The following KCNQ5 variants were observed in gnomAD, a reference collection of about 807,000 sequenced individuals.
KCNQ5 encodes potassium voltage-gated channel subfamily KQT member 5.
In KCNQ5, 30 loss-of-function variants were observed where a neutral mutation model predicts 98.2. That is an observed-to-expected ratio of 0.31 (90% CI 0.23 to 0.41). The LOEUF is 0.41. Among genes scored for constraint, KCNQ5 ranks in the 10% least tolerant of loss-of-function variants. The probability of loss-of-function intolerance (pLI) is 1.00; values close to 1 mark genes in which losing one functional copy is unlikely to be tolerated. For synonymous variants in KCNQ5, 458 were observed against 449.4 expected (o/e 1.02, Z -0.24); for missense variants, 835 against 1,182.5 (o/e 0.71, Z 4.31).
At chr6:72,631,568 A>G (rs184879382) in intron 1 of KCNQ5, among the ~76,000 whole-genome samples, 119 of 152,342 alleles carry the variant, frequency 7.8e-4, no homozygotes, top group South Asian at 2.3e-3. Flanking sequence ...TCCATCAGAA[A>G]TTACCATTGG....
At chr6:72,836,583 T>G (rs1776512615) in intron 1 of KCNQ5, among the ~76,000 whole-genome samples, 1 of 152,038 alleles carries the variant, frequency 6.6e-6, no homozygotes, top group Non-Finnish European at 1.5e-5. Context: ...GGACTACACA[T>G]GTGCGCCACC....
chr6:72,850,182 A>T (rs980456942), intron 1 of KCNQ5, among the ~76,000 whole-genome samples: 2 of 152,164 alleles, frequency 1.3e-5, no homozygotes, highest in African/African-American at 4.8e-5. Context: ...CAGGTAATAG[A>T]TATAAGGCTG....
chr6:73,165,955 G>T (rs1777779389), intron 10 of KCNQ5, among the ~76,000 whole-genome samples: 2 of 151,360 alleles, frequency 1.3e-5, no homozygotes, highest in Admixed American at 6.6e-5. Context: ...AAAAAAAAGA[G>T]AGAGAAATAC....
At chr6:73,042,287 G>A (rs4708015) in intron 3 of KCNQ5, 426,651 of 551,410 alleles carry the variant, frequency 0.77, 175,167 homozygotes, top group Non-Finnish European at 0.88. Flanking sequence ...AGAATTTGAG[G>A]CAAAGAGAGA....
chr6:72,955,955 T>C (rs763101914), intron 1 of KCNQ5, among the ~76,000 whole-genome samples: 1 of 151,654 alleles, frequency 6.6e-6, no homozygotes, highest in Non-Finnish European at 1.5e-5. Context: ...ACAAACCCAG[T>C]AATTCTCAAA....
intron 1 of KCNQ5, among the ~76,000 whole-genome samples, chr6:72,776,555 A>T (rs142374889): frequency 4.9e-4 from 75 of 152,342 alleles, no homozygotes; most frequent in East Asian, 2.7e-3. Flanking sequence ...ATATAATACA[A>T]GCATCATAGA....
chr6:72,638,302 C>T (rs6899573), intron 1 of KCNQ5, among the ~76,000 whole-genome samples: 57,296 of 151,832 alleles, frequency 0.38, 12,471 homozygotes, highest in Middle Eastern at 0.51. Context: ...TTACATGGTT[C>T]CAGATCTTTT....
At chr6:73,141,348 C>T (rs1180329716) in intron 10 of KCNQ5, among the ~76,000 whole-genome samples, 1 of 152,180 alleles carries the variant, frequency 6.6e-6, no homozygotes, top group Non-Finnish European at 1.5e-5. Flanking sequence ...TCTGGGGGGA[C>T]ACAAACATTC....
At chr6:72,788,897 C>A (rs1305945028) in intron 1 of KCNQ5, among the ~76,000 whole-genome samples, 1 of 152,028 alleles carries the variant, frequency 6.6e-6, no homozygotes, top group Admixed American at 6.5e-5. Context: ...AAACCTTGTC[C>A]TTTCTTATTT....
At chr6:73,047,966 T>A (rs924855720) in intron 3 of KCNQ5, among the ~76,000 whole-genome samples, 3 of 152,202 alleles carry the variant, frequency 2.0e-5, no homozygotes, top group African/African-American at 7.2e-5. Flanking sequence ...GTTTTCAAAT[T>A]ATGTTTGAGT....
intron 1 of KCNQ5, among the ~76,000 whole-genome samples, chr6:72,796,938 T>C (rs956102539): frequency 6.6e-6 from 1 of 152,080 alleles, no homozygotes. Context: ...GGCAGATGAG[T>C]CCCTAGCTTA....
intron 1 of KCNQ5, chr6:72,677,072 A>G (rs1767451686): frequency 6.6e-6 from 1 of 152,106 alleles, no homozygotes; most frequent in Non-Finnish European, 1.5e-5. Context: ...TTATAGTCTC[A>G]GTTTACCTTG....
At chr6:72,995,879 A>G (rs1181594421) in intron 1 of KCNQ5, among the ~76,000 whole-genome samples, 1 of 152,250 alleles carries the variant, frequency 6.6e-6, no homozygotes, top group East Asian at 1.9e-4. Context: ...GCAACTTTAG[A>G]TTGAATACTC....
intron 2 of KCNQ5, among the ~76,000 whole-genome samples, chr6:73,040,410 GC>G (rs746955534): frequency 1.1e-4 from 17 of 152,138 alleles, no homozygotes; most frequent in Non-Finnish European, 1.9e-4. Context: ...GGCATTTTGG[GC>G]CTGAGTATGT....
chr6:72,940,351 C>CT (rs1766164210), intron 1 of KCNQ5, among the ~76,000 whole-genome samples: 3 of 152,296 alleles, frequency 2.0e-5, no homozygotes, highest in South Asian at 2.1e-4. Context: ...CAGCAGGAAA[C>CT]TTTTTTGCCT....
At chr6:72,912,314 C>T (rs1375351644) in intron 1 of KCNQ5, among the ~76,000 whole-genome samples, 1 of 152,152 alleles carries the variant, frequency 6.6e-6, no homozygotes, top group African/African-American at 2.4e-5. Context: ...TCGTAGTAAG[C>T]ATCGATGGAT....
intron 11 of KCNQ5, among the ~76,000 whole-genome samples, chr6:73,178,591 C>T (rs1778299420): frequency 6.6e-6 from 1 of 151,554 alleles, no homozygotes; most frequent in Non-Finnish European, 1.5e-5. Context: ...TCTGCTTGCC[C>T]CTACAGTGAG....
intron 1 of KCNQ5, among the ~76,000 whole-genome samples, chr6:72,971,365 T>C (rs1767888378): frequency 6.6e-6 from 1 of 152,154 alleles, no homozygotes; most frequent in Admixed American, 6.5e-5. Context: ...GGAGAGGATG[T>C]GGAAAAACAG....
At chr6:73,162,282 A>G (rs1481772388) in intron 10 of KCNQ5, among the ~76,000 whole-genome samples, 1 of 152,024 alleles carries the variant, frequency 6.6e-6, no homozygotes, top group African/African-American at 2.4e-5. Context: ...AATCCTTAAC[A>G]CTGCTAATCA....
Sources: allele counts gnomAD v4.1 joint callset (sites outside exome capture counted in the v4.1 genomes callset), GRCh38; gene constraint gnomAD v4.1.1; transcripts MANE v1.5; gene names NCBI Gene and HGNC (gene_info 2026-07-23, HGNC 2026-07-21).